USH2A: variants seen among roughly 807,000 people sequenced by gnomAD.
The protein encoded by USH2A is Usher syndrome 2A (autosomal recessive, mild).
USH2A carries 443 observed loss-of-function variants against 538.9 expected under a neutral mutation model. The ratio of observed to expected loss-of-function variants is 0.82; its 90% CI spans 0.76 to 0.89. The LOEUF (loss-of-function observed/expected upper bound fraction) is 0.89. Among genes scored for constraint, USH2A ranks in the 40% least tolerant of loss-of-function variants. USH2A has a pLI of 0.00. For synonymous variants in USH2A, 2,413 were observed against 2,273.5 expected, an observed-to-expected ratio of 1.06 and a Z score of -1.75; for missense variants, 6,633 against 6,324.8, an observed-to-expected ratio of 1.05 and a Z score of -1.65.
intron 21 of USH2A, among the ~76,000 whole-genome samples, chr1:216,133,980 C>T (rs536021651): frequency 2.6e-5 from 4 of 152,118 alleles, no homozygotes; most frequent in East Asian, 1.9e-4. Flanking sequence ...TATAATGAAT[C>T]GGATGATTGG....
intron 61 of USH2A, among the ~76,000 whole-genome samples, chr1:215,714,178 A>G (rs1437040343): frequency 6.6e-6 from 1 of 152,244 alleles, no homozygotes; most frequent in African/African-American, 2.4e-5. Context: ...AAGAAGCATA[A>G]CAAAGCATTT....
intron 32 of USH2A, among the ~76,000 whole-genome samples, chr1:216,027,440 T>C (rs566584262): frequency 1.3e-5 from 2 of 152,344 alleles, no homozygotes; most frequent in African/African-American, 4.8e-5. Context: ...GCCTGTATTT[T>C]GTCATGGCAG....
chr1:216,070,756 A>T (rs955682033), intron 29 of USH2A, among the ~76,000 whole-genome samples: 15 of 151,560 alleles, frequency 9.9e-5, no homozygotes, highest in Non-Finnish European at 1.9e-4. Context: ...TTGAATGCCT[A>T]GACCCATTTT....
intron 3 of USH2A, among the ~76,000 whole-genome samples, chr1:216,392,968 A>G (rs2102748933): frequency 6.6e-6 from 1 of 152,346 alleles, no homozygotes; most frequent in African/African-American, 2.4e-5. Flanking sequence ...TTAAGGATAG[A>G]CACCATGGCT....
chr1:215,687,302 T>G (rs1658458352), intron 61 of USH2A, among the ~76,000 whole-genome samples: 1 of 152,118 alleles, frequency 6.6e-6, no homozygotes, highest in African/African-American at 2.4e-5. Flanking sequence ...CTGGGATCAC[T>G]TTAATGCTTT....
intron 35 of USH2A, 66 bp from the exon 36 acceptor site, chr1:215,970,842 CA>C: frequency 6.7e-7 from 1 of 1,494,774 alleles, no homozygotes; most frequent in Non-Finnish European, 9.3e-7. Context: ...CTTAAGAAAG[CA>C]AGCACTCTTG....
chr1:216,238,589 C>G (rs1425605436), intron 13 of USH2A, among the ~76,000 whole-genome samples: 1 of 152,124 alleles, frequency 6.6e-6, no homozygotes. Context: ...CATATTAAAA[C>G]CAATGTGTCT....
chr1:216,284,426 G>A (rs2036843192), intron 11 of USH2A, among the ~76,000 whole-genome samples: 2 of 152,136 alleles, frequency 1.3e-5, no homozygotes, highest in African/African-American at 4.8e-5. Context: ...TGTGAAGAAG[G>A]ATGTGTTTGT....
At chr1:215,987,969 C>T (rs1667911501) in intron 35 of USH2A, among the ~76,000 whole-genome samples, 1 of 151,940 alleles carries the variant, frequency 6.6e-6, no homozygotes, top group Admixed American at 6.6e-5. Flanking sequence ...TAACACTGTT[C>T]TTAATCTTTT....
intron 32 of USH2A, among the ~76,000 whole-genome samples, chr1:216,027,769 G>C (rs1294702304): frequency 6.6e-6 from 1 of 151,024 alleles, no homozygotes; most frequent in Non-Finnish European, 1.5e-5. Context: ...ATTTGAATAA[G>C]AGACAATTTA....
intron 21 of USH2A, among the ~76,000 whole-genome samples, chr1:216,142,841 T>A (rs2033626510): frequency 1.3e-5 from 2 of 152,142 alleles, no homozygotes; most frequent in Non-Finnish European, 2.9e-5. Flanking sequence ...TTTTAAATAT[T>A]TAAATTTTAC....
intron 21 of USH2A, among the ~76,000 whole-genome samples, chr1:216,134,204 AG>A (rs939441450): frequency 2.6e-5 from 4 of 152,304 alleles, no homozygotes; most frequent in Admixed American, 1.3e-4. Flanking sequence ...ACCAGAGGAA[AG>A]CATATAGAAC....
chr1:216,244,587 T>A (rs1191878206), intron 13 of USH2A, among the ~76,000 whole-genome samples: 2 of 152,196 alleles, frequency 1.3e-5, no homozygotes, highest in Non-Finnish European at 2.9e-5. Context: ...GAAGTCAGTA[T>A]TTCTTCATCC....
chr1:216,053,553 T>C (rs2030869966), intron 30 of USH2A, among the ~76,000 whole-genome samples: 2 of 145,574 alleles, frequency 1.4e-5, no homozygotes, highest in Admixed American at 7.3e-5. Flanking sequence ...AATCAGAAAA[T>C]GGTCCCAATC....
intron 34 of USH2A, 137 bp downstream of exon 34, chr1:215,998,750 G>A: frequency 3.3e-6 from 3 of 904,826 alleles, no homozygotes; most frequent in Non-Finnish European, 5.2e-6. Flanking sequence ...TGGGAAGAGA[G>A]TTTTCAGTAT....
intron 32 of USH2A, among the ~76,000 whole-genome samples, chr1:216,026,254 T>C (rs74143910): frequency 0.033 from 5,083 of 152,204 alleles, 224 homozygotes; most frequent in African/African-American, 0.11. Flanking sequence ...GCACCAACCT[T>C]GTGGTTGTAA....
rs115805886 is a variant in USH2A, at chr1:216,405,676, T to C, written c.651+12838A>G. 4.8e-3 allele frequency among the ~76,000 whole-genome samples: 728 copies of C among 152,310 alleles called. 3 individuals are homozygous for C. Among genetic ancestry groups the C allele is most frequent in the African/African-American group, 0.017 (697 of 41,568 alleles). On this transcript the variant is annotated intron_variant, in intron 3 of 71. Coordinates refer to ENST00000307340, the MANE Select transcript of USH2A (RefSeq NM_206933.4). ...ATGCAACTGCCATACGCTATTGCAC[T>C]CTTGAGCATTTATTCCAGAGAAACG...
At chr1:216,015,297 C>T (rs945645877) in intron 32 of USH2A, among the ~76,000 whole-genome samples, 1 of 152,158 alleles carries the variant, frequency 6.6e-6, no homozygotes, top group African/African-American at 2.4e-5. Flanking sequence ...AAGCAATGAG[C>T]TGCGCCAGAA....
At chr1:216,309,447 G>A (rs1003470883) in intron 9 of USH2A, among the ~76,000 whole-genome samples, 3 of 152,044 alleles carry the variant, frequency 2.0e-5, no homozygotes, top group Admixed American at 6.6e-5. Flanking sequence ...ATTCTAATAT[G>A]TTCAGCACAT....
Sources: gnomAD v4.1 joint callset for allele counts (sites outside exome capture counted in the v4.1 genomes callset) on GRCh38, gnomAD v4.1.1 for gene constraint, MANE v1.5 for transcripts, NCBI Gene and HGNC (gene_info 2026-07-23, HGNC 2026-07-21) for gene names.